The following ITPK1 variants were observed in gnomAD, a reference collection of about 807,000 sequenced individuals.
The protein encoded by ITPK1 is inositol 1,3,4-trisphosphate 5/6-kinase.
ITPK1 carries 21 observed loss-of-function variants against 45.3 expected under a neutral mutation model. The ratio of observed to expected loss-of-function variants is 0.46; its 90% CI spans 0.33 to 0.67. The LOEUF (loss-of-function observed/expected upper bound fraction) is 0.67. ITPK1 is among the 30% of genes least tolerant of loss of function. ITPK1 has a pLI of 0.02. For missense variants in ITPK1, 474 were observed against 573.5 expected (o/e 0.83, Z 1.77); for synonymous variants, 258 against 253.6 (o/e 1.02, Z -0.16).
intron 3 of ITPK1, among the ~76,000 whole-genome samples, chr14:93,044,734 G>GT (rs1403181655): frequency 4.6e-5 from 7 of 152,214 alleles, no homozygotes; most frequent in Non-Finnish European, 1.0e-4. Context: ...GGGAAGAAGG[G>GT]TGTGGCCTCT....
At chr14:93,097,174 T>C (rs182442308) in intron 2 of ITPK1, among the ~76,000 whole-genome samples, 3 of 152,340 alleles carry the variant, frequency 2.0e-5, no homozygotes, top group Admixed American at 2.0e-4. Context: ...ACACACTCTG[T>C]GTGCAGACAT....
chr14:93,025,091 G>A (rs962479691), intron 3 of ITPK1, among the ~76,000 whole-genome samples: 5 of 152,252 alleles, frequency 3.3e-5, no homozygotes, highest in African/African-American at 4.8e-5. Flanking sequence ...CAACCACAAC[G>A]CCATCTCCTG....
intron 3 of ITPK1, among the ~76,000 whole-genome samples, chr14:93,035,010 C>A (rs1321580074): frequency 6.6e-6 from 1 of 152,244 alleles, no homozygotes; most frequent in Non-Finnish European, 1.5e-5. Flanking sequence ...GGTGAACACA[C>A]CTCCTTCTTT....
At chr14:92,951,379 G>T (rs1224838201) in intron 9 of ITPK1, among the ~76,000 whole-genome samples, 1 of 152,140 alleles carries the variant, frequency 6.6e-6, no homozygotes, top group Non-Finnish European at 1.5e-5. Context: ...CCTTGTGAAC[G>T]TGCAAAGATC....
chr14:92,979,765 T>A (rs1458090863), intron 5 of ITPK1, among the ~76,000 whole-genome samples: 2 of 151,990 alleles, frequency 1.3e-5, no homozygotes, highest in Non-Finnish European at 2.9e-5. Flanking sequence ...CAATTAAACC[T>A]CTTCATAATT....
rs1165894948 is a variant in ITPK1 at position 92,958,890 on chromosome 14, C to T, written c.505-524G>A. On this transcript the variant is annotated intron_variant, in intron 7 of 10. Coordinates refer to ENST00000267615, the MANE Select transcript of ITPK1 (RefSeq NM_014216.6). The surrounding 1 kb of genome is among the most constrained non-coding windows in gnomAD (Gnocchi z 4.4). ...CACGTACACCAGTTACCTAGTGTCTCCCTCACAATGCACATCTGAGGTGAG... is the reference window on the plus strand; with the variant it reads ...CACGTACACCAGTTACCTAGTGTCTTCCTCACAATGCACATCTGAGGTGAG... Among the ~76,000 whole-genome samples, 2 of 152,160 alleles carry T rather than the reference C, an allele frequency of 1.3e-5. No homozygotes were observed. The highest frequency in any genetic ancestry group is 2.9e-5 in the Non-Finnish European group (2 of 68,026).
chr14:93,060,677 G>C (rs1000958434), intron 3 of ITPK1, among the ~76,000 whole-genome samples: 1 of 152,176 alleles, frequency 6.6e-6, no homozygotes, highest in African/African-American at 2.4e-5. Context: ...GAGAGGTCTG[G>C]TTAGCACTGG....
chr14:92,951,626 C>T (rs1305379498), intron 9 of ITPK1, among the ~76,000 whole-genome samples: 1 of 152,184 alleles, frequency 6.6e-6, no homozygotes, highest in Non-Finnish European at 1.5e-5. Context: ...GCAGTTCTTC[C>T]AATTCCTCAT....
Position 93,028,078 on chromosome 14 carries a change from C to G in ITPK1, c.121-11277G>C, listed in dbSNP as rs117366230. ...CGGAGGCTGCTCTCCCACAGCCACACGCCCAACATGCCCTGGTTCCCTTGC... is the reference window on the plus strand; with the variant it reads ...CGGAGGCTGCTCTCCCACAGCCACAGGCCCAACATGCCCTGGTTCCCTTGC... On this transcript the variant is annotated intron_variant, in intron 3 of 10. Transcript: ENST00000267615. Among the ~76,000 whole-genome samples, 3 of 152,352 alleles carry G rather than the reference C, an allele frequency of 2.0e-5. No individual in the cohort carries two copies. The South Asian group carries it at 6.2e-4, about 32-fold the overall frequency.
chr14:93,095,774 T>G (rs1892053686), intron 2 of ITPK1, among the ~76,000 whole-genome samples: 1 of 151,224 alleles, frequency 6.6e-6, no homozygotes, highest in African/African-American at 2.4e-5. Context: ...TAGTCCCCAG[T>G]GTTGACTCTT....
In ITPK1 at chr14:93,115,268, G is replaced by A. The variant is rs1190992033; in HGVS notation, c.-105C>T. 2 of 710,550 alleles carry A rather than the reference G, an allele frequency of 2.8e-6. No homozygotes were observed. Among genetic ancestry groups the A allele is most frequent in the Non-Finnish European group, 4.7e-6 (2 of 426,008 alleles). The allele number at this position is 710,550 out of a possible 1,614,324, so 44.0% of individuals were successfully genotyped here. On this transcript the variant is annotated 5_prime_UTR_variant, in exon 2 of 11. Transcript: ENST00000267615. ...GAGTGGGCACCTCCTCCCGGCGGCG[G>A]GGACGCGGAACGGGGATCGGAGCTG... is the stretch of plus-strand genomic sequence containing the variant.
chr14:93,058,914 T>G (rs1019998297), intron 3 of ITPK1, among the ~76,000 whole-genome samples: 5 of 404 alleles, frequency 0.012, no homozygotes, highest in Admixed American at 0.053. Context: ...CGAGGCGGGG[T>G]GGAGGGGGTG....
intron 5 of ITPK1, among the ~76,000 whole-genome samples, chr14:92,991,013 G>A (rs894579652): frequency 2.6e-5 from 4 of 151,310 alleles, no homozygotes; most frequent in African/African-American, 9.8e-5. Context: ...CCGGGGCAGG[G>A]GGGGTGACAA....
At chr14:92,952,499 T>G (rs1430486223) in intron 8 of ITPK1, among the ~76,000 whole-genome samples, 1 of 150,304 alleles carries the variant, frequency 6.7e-6, no homozygotes, top group Non-Finnish European at 1.5e-5. Flanking sequence ...ACGTGAGCAC[T>G]TAAAATACAA....
Position 92,940,121 on chromosome 14 carries a change from G to A in ITPK1, c.*1440C>T, listed in dbSNP as rs980186512. On this transcript the variant is annotated 3_prime_UTR_variant, in exon 11 of 11. Coordinates refer to ENST00000267615, the MANE Select transcript of ITPK1 (RefSeq NM_014216.6). ...AAAGTGGGCATCCTGCAGCCCAGCT[G>A]AGCCAGGCCGAAGGACCTCCATGCA... 3 of 985,688 alleles carry A rather than the reference G, an allele frequency of 3.0e-6. No individual in the cohort carries two copies. The highest frequency in any genetic ancestry group is 1.2e-4 in the Admixed American group (2 of 16,282). 61.1% of individuals were successfully genotyped at this position (985,688 alleles called of 1,614,324 possible).
At chr14:93,075,744 G>A (rs1391268776) in intron 3 of ITPK1, among the ~76,000 whole-genome samples, 2 of 152,156 alleles carry the variant, frequency 1.3e-5, no homozygotes, top group Non-Finnish European at 2.9e-5. Flanking sequence ...ATTCTAGCAG[G>A]GGCCAGCACC....
At chr14:93,089,218 A>C (rs1891773731) in intron 2 of ITPK1, among the ~76,000 whole-genome samples, 1 of 152,188 alleles carries the variant, frequency 6.6e-6, no homozygotes, top group African/African-American at 2.4e-5. Context: ...GCAGGCCTGC[A>C]GTGAAGGGCC....
At chr14:93,033,244 G>C (rs1889153514) in intron 3 of ITPK1, among the ~76,000 whole-genome samples, 1 of 152,218 alleles carries the variant, frequency 6.6e-6, no homozygotes, top group South Asian at 2.1e-4. Context: ...AGGTTTCCTG[G>C]GGTGGGTGAT....
At chr14:93,103,065 A>C (rs1892382898) in intron 2 of ITPK1, among the ~76,000 whole-genome samples, 1 of 142,114 alleles carries the variant, frequency 7.0e-6, no homozygotes, top group Non-Finnish European at 1.5e-5. Context: ...GCGCCACTGC[A>C]CTCCAGCCTG....
Sources: allele counts gnomAD v4.1 joint callset (sites outside exome capture counted in the v4.1 genomes callset), GRCh38; gene constraint gnomAD v4.1.1; non-coding constraint Gnocchi (gnomAD v3.1); transcripts MANE v1.5; gene names NCBI Gene and HGNC (gene_info 2026-07-23, HGNC 2026-07-21).